The following JARID2 variants were observed in gnomAD, a reference collection of about 807,000 sequenced individuals.
JARID2 encodes the protein protein Jumonji.
A neutral mutation model predicts 125.6 loss-of-function variants in JARID2; 21 were observed. The observed-to-expected ratio is 0.17, with a 90% CI of 0.12 to 0.24. JARID2 has a LOEUF of 0.24. JARID2 is among the 10% of genes least tolerant of loss of function. The probability of loss-of-function intolerance (pLI) is 1.00; values close to 1 mark genes in which losing one functional copy is unlikely to be tolerated. For synonymous variants in JARID2, 736 were observed against 661.6 expected (o/e 1.11, Z -1.73); for missense variants, 1,303 against 1,639.6 (o/e 0.79, Z 3.55).
intron 3 of JARID2, among the ~76,000 whole-genome samples, chr6:15,431,748 AT>A (rs1766976901): frequency 6.6e-6 from 1 of 152,200 alleles, no homozygotes; most frequent in African/African-American, 2.4e-5. Flanking sequence ...TAATGACCCC[AT>A]AGATTTTTTT....
chr6:15,347,132 G>A (rs1467018582), intron 1 of JARID2, among the ~76,000 whole-genome samples: 1 of 152,176 alleles, frequency 6.6e-6, no homozygotes, highest in African/African-American at 2.4e-5. Flanking sequence ...AAGAACATGA[G>A]AACACATGTG....
chr6:15,355,062 G>A (rs1390417712), intron 1 of JARID2, among the ~76,000 whole-genome samples: 1 of 152,166 alleles, frequency 6.6e-6, no homozygotes, highest in East Asian at 1.9e-4. Context: ...CCCTCCCATT[G>A]TGTGGATTTG....
chr6:15,505,433 TG>T (rs1770958516), intron 9 of JARID2: 1 of 151,208 alleles, frequency 6.6e-6, no homozygotes, highest in South Asian at 2.1e-4. Context: ...TGCTGACCAC[TG>T]GGGGTTCAGG....
chr6:15,487,563 C>G lies in JARID2; in HGVS notation c.906+21C>G, dbSNP rs1370028292. The G allele has an allele frequency of 2.6e-6, 4 of 1,558,104 alleles. No homozygotes were observed. The Admixed American group carries it at 5.6e-5, about 22-fold the overall frequency. ...AACAGGTAAAGTCCAGCAGGGGTGCCTACATGTGTGCCAGACCCCAGTTTC... is the reference window on the plus strand; with the variant it reads ...AACAGGTAAAGTCCAGCAGGGGTGCGTACATGTGTGCCAGACCCCAGTTTC... On this transcript the variant is annotated intron_variant, in intron 6 of 17. Transcript: ENST00000341776.
intron 3 of JARID2, among the ~76,000 whole-genome samples, chr6:15,433,921 GGT>G (rs146025914): frequency 0.16 from 21,134 of 130,730 alleles, 1,550 homozygotes; most frequent in Non-Finnish European, 0.2. Flanking sequence ...CACTCTCCAG[GGT>G]GTGTGTGTGT....
At chr6:15,347,343 T>C (rs866523456) in intron 1 of JARID2, among the ~76,000 whole-genome samples, 2 of 151,854 alleles carry the variant, frequency 1.3e-5, no homozygotes, top group African/African-American at 4.8e-5. Flanking sequence ...TGTGGGGAGG[T>C]GGTGGGAAGT....
At chr6:15,494,637 T>C (rs1327850565) in intron 6 of JARID2, among the ~76,000 whole-genome samples, 1 of 152,154 alleles carries the variant, frequency 6.6e-6, no homozygotes, top group Non-Finnish European at 1.5e-5. Context: ...GTCAATCTCC[T>C]GACCTTGTGA....
intron 4 of JARID2, among the ~76,000 whole-genome samples, chr6:15,453,391 C>T (rs1229725505): frequency 6.6e-6 from 1 of 152,180 alleles, no homozygotes; most frequent in African/African-American, 2.4e-5. Context: ...CTCATGATTA[C>T]ATTCTGGTTT....
At chr6:15,472,103 A>G (rs1769103607) in intron 5 of JARID2, among the ~76,000 whole-genome samples, 1 of 151,740 alleles carries the variant, frequency 6.6e-6, no homozygotes, top group South Asian at 2.1e-4. Context: ...CCCCTCATGA[A>G]TTTTGATGTC....
At chr6:15,391,729 T>G (rs1013791460) in intron 2 of JARID2, among the ~76,000 whole-genome samples, 1 of 152,200 alleles carries the variant, frequency 6.6e-6, no homozygotes, top group African/African-American at 2.4e-5. Flanking sequence ...TAATTCTTGT[T>G]CTACCAGTAA....
At chr6:15,517,938 T>TGG (rs1360654361) in intron 17 of JARID2, among the ~76,000 whole-genome samples, 1 of 151,938 alleles carries the variant, frequency 6.6e-6, no homozygotes, top group Non-Finnish European at 1.5e-5. Context: ...GGCCACTGAG[T>TGG]GGGGTGGGTG....
intron 3 of JARID2, among the ~76,000 whole-genome samples, chr6:15,431,741 T>A (rs1005386803): frequency 2.0e-5 from 3 of 152,246 alleles, no homozygotes; most frequent in Admixed American, 6.5e-5. Context: ...GTTTGGATAA[T>A]GACCCCATAG....
chr6:15,380,325 G>A lies in JARID2; in HGVS notation c.181+6073G>A, dbSNP rs566329893. 5.3e-5 allele frequency among the ~76,000 whole-genome samples: 8 copies of A among 152,278 alleles called. No individual in the cohort carries two copies. The South Asian group carries it at 1.7e-3, about 32-fold the overall frequency. On this transcript the variant is annotated intron_variant, in intron 2 of 17. Transcript: ENST00000341776. ...GCTGAGATTACAAGCGTGAGCCACC[G>A]TGCCTGGCCGTCAGTAAGTGAATTT... is the stretch of plus-strand genomic sequence containing the variant.
At chr6:15,465,027 A>G (rs1269903562) in intron 4 of JARID2, among the ~76,000 whole-genome samples, 2 of 152,104 alleles carry the variant, frequency 1.3e-5, no homozygotes, top group African/African-American at 2.4e-5. Context: ...TCTATTTCTA[A>G]TCTTTCTTCC....
intron 2 of JARID2, among the ~76,000 whole-genome samples, chr6:15,379,507 G>C (rs559271642): frequency 6.6e-6 from 1 of 152,190 alleles, no homozygotes; most frequent in African/African-American, 2.4e-5. Flanking sequence ...GAATTACACA[G>C]TCAGAGAGGG....
intron 6 of JARID2, among the ~76,000 whole-genome samples, chr6:15,492,038 T>G (rs1316957044): frequency 6.6e-6 from 1 of 152,240 alleles, no homozygotes; most frequent in Admixed American, 6.5e-5. Context: ...TTGAAACCAT[T>G]CTCTTATGAC....
intron 1 of JARID2, among the ~76,000 whole-genome samples, chr6:15,352,687 T>C (rs976634430): frequency 4.6e-5 from 7 of 152,142 alleles, no homozygotes; most frequent in African/African-American, 1.7e-4. Flanking sequence ...GAGCAGACAA[T>C]GATGGTGTGC....
chr6:15,473,519 C>CGG, intron 5 of JARID2, among the ~76,000 whole-genome samples: 2 of 30,654 alleles, frequency 6.5e-5, no homozygotes, highest in Non-Finnish European at 2.1e-4. Flanking sequence ...TGCGTGCCCC[C>CGG]CCCCCCCCCC....
chr6:15,268,840 G>T (rs967198747), intron 1 of JARID2, among the ~76,000 whole-genome samples: 2 of 152,200 alleles, frequency 1.3e-5, no homozygotes, highest in African/African-American at 4.8e-5. Flanking sequence ...GCATTAGTGA[G>T]ACTACAGAAC....
Sources: allele counts gnomAD v4.1 joint callset (sites outside exome capture counted in the v4.1 genomes callset), GRCh38; gene constraint gnomAD v4.1.1; transcripts MANE v1.5; gene names NCBI Gene and HGNC (gene_info 2026-07-23, HGNC 2026-07-21).